Variants in CHPT1 observed in about 807,000 individuals in gnomAD.
CHPT1 encodes the protein cholinephosphotransferase 1.
Under a neutral mutation model 47.6 loss-of-function variants are expected in CHPT1, and 36 were observed. The observed-to-expected ratio is 0.76, with a 90% CI of 0.58 to 1.00. The LOEUF (loss-of-function observed/expected upper bound fraction) is 1.00, where lower values mean the gene tolerates loss of function less well. Ranked by LOEUF, CHPT1 falls within the 50% of genes least tolerant of loss-of-function variation. The pLI, the probability that CHPT1 is intolerant of heterozygous loss-of-function variation, is 0.00. For missense variants in CHPT1, 458 were observed against 498.1 expected (o/e 0.92, Z 0.77); for synonymous variants, 194 against 186.3 (o/e 1.04, Z -0.33).
chr12:101,708,574 T>C (rs981978667), intron 1 of CHPT1, among the ~76,000 whole-genome samples: 2 of 152,154 alleles, frequency 1.3e-5, no homozygotes, highest in African/African-American at 2.4e-5. Flanking sequence ...ACAGTAGATA[T>C]TATGAAAACT....
Position 101,723,279 on chromosome 12 carries a change from A to G in CHPT1, c.892A>G (p.Ile298Val), listed in dbSNP as rs1453088626. The G allele has an allele frequency of 2.5e-6, 4 of 1,612,000 alleles. No individual in the cohort carries two copies. The highest frequency in any genetic ancestry group is 2.5e-6 in the Non-Finnish European group (3 of 1,178,642). Residue 298 changes from isoleucine to valine, a missense_variant, in exon 6 of 9, where the codon ATC becomes GTC. Transcript: ENST00000229266. ...GTTTGAAAAGCATCCTTGTCTTTAT[A>G]TCCTAATGTTTGGATGTGTCTTTGC... ...DVFEKHPCLY[I>V]LMFGCVFAKV...
At chr12:101,713,544 G>C (rs185275795) in intron 1 of CHPT1, among the ~76,000 whole-genome samples, 1 of 152,308 alleles carries the variant, frequency 6.6e-6, no homozygotes, top group East Asian at 1.9e-4. Flanking sequence ...AGCTGGAGCA[G>C]TCGCAGGGCT....
At chr12:101,698,773 A>G (rs1951504336) in intron 1 of CHPT1, among the ~76,000 whole-genome samples, 1 of 152,212 alleles carries the variant, frequency 6.6e-6, no homozygotes, top group African/African-American at 2.4e-5. Context: ...TTTATTAGCA[A>G]TAATTACATT....
In CHPT1 at chr12:101,720,965, C is replaced by T. The variant is rs17031927; in HGVS notation, c.780+711C>T. Among the ~76,000 whole-genome samples the T allele has an allele frequency of 0.022, 3,322 of 152,258 alleles. 331 individuals are homozygous for T. The East Asian group carries it at 0.31, about 14-fold the overall frequency. On this transcript the variant is annotated intron_variant, in intron 5 of 8. Transcript: ENST00000229266. ...CAAGTACTTATTCCAGTGATACCATCTTATACCAAACCATTGTTATAATGC... is the reference window on the plus strand; with the variant it reads ...CAAGTACTTATTCCAGTGATACCATTTTATACCAAACCATTGTTATAATGC...
intron 4 of CHPT1, chr12:101,717,280 T>C (rs1390230361): frequency 2.2e-6 from 1 of 455,252 alleles, no homozygotes; most frequent in Non-Finnish European, 4.4e-6. Flanking sequence ...TTCTGCCTGC[T>C]TGGTGACCTC....
At chr12:101,710,462 A>G (rs1440376143) in intron 1 of CHPT1, among the ~76,000 whole-genome samples, 1 of 148,682 alleles carries the variant, frequency 6.7e-6, no homozygotes, top group African/African-American at 2.4e-5. Context: ...CTAGTCACTG[A>G]CTCCAGTAAA....
At chr12:101,707,750 G>T (rs902043476) in intron 1 of CHPT1, among the ~76,000 whole-genome samples, 2 of 152,180 alleles carry the variant, frequency 1.3e-5, no homozygotes, top group Admixed American at 1.3e-4. Flanking sequence ...AGGTGGCTTT[G>T]ATTAGGGAGA....
chr12:101,720,522 A>G (rs1951832749), intron 5 of CHPT1, among the ~76,000 whole-genome samples: 1 of 152,130 alleles, frequency 6.6e-6, no homozygotes, highest in Admixed American at 6.6e-5. Flanking sequence ...GTTTTCCTGC[A>G]TTTTGTGCCT....
At chr12:101,715,728 G>A (rs1007750298) in intron 3 of CHPT1, among the ~76,000 whole-genome samples, 2 of 152,078 alleles carry the variant, frequency 1.3e-5, no homozygotes, top group African/African-American at 4.8e-5. Context: ...AGATAAAATT[G>A]TTCATAGACT....
intron 7 of CHPT1, among the ~76,000 whole-genome samples, 179 bp downstream of exon 7, chr12:101,724,026 G>T (rs1951902657): frequency 6.6e-6 from 1 of 151,962 alleles, no homozygotes; most frequent in African/African-American, 2.4e-5. Flanking sequence ...AGACCAACCT[G>T]GCCAACATGG....
At chr12:101,704,447 G>C (rs1181234528) in intron 1 of CHPT1, among the ~76,000 whole-genome samples, 3 of 150,220 alleles carry the variant, frequency 2.0e-5, no homozygotes, top group African/African-American at 7.4e-5. Context: ...TGTTGCCCAG[G>C]CTGGAGTGCA....
rs573195692 is a variant in CHPT1 at position 101,699,307 on chromosome 12, A to G, written c.273+1173A>G. ...TTCACCATGTTGGCCAGGCTCATGC[A>G]TCCTTTAAAAACAAAAATTTGATCG... is the stretch of plus-strand genomic sequence containing the variant. On this transcript the variant is annotated intron_variant, in intron 1 of 8. Transcript: ENST00000229266. Among the ~76,000 whole-genome samples, 90 of 151,748 alleles carry G rather than the reference A, an allele frequency of 5.9e-4. 1 individual carries two copies. The South Asian group carries it at 0.017, about 28-fold the overall frequency.
intron 8 of CHPT1, 85 bp downstream of exon 8, chr12:101,726,489 G>A (rs1951947440): frequency 1.3e-6 from 2 of 1,551,622 alleles, no homozygotes; most frequent in Non-Finnish European, 1.7e-6. Flanking sequence ...AAATCCCCCT[G>A]TGCAGGAGGC....
intron 1 of CHPT1, among the ~76,000 whole-genome samples, chr12:101,705,067 G>A (rs1189970134): frequency 9.3e-6 from 1 of 107,662 alleles, no homozygotes; most frequent in Non-Finnish European, 1.7e-5. Flanking sequence ...CCTGGGGCAT[G>A]TATTCTTCCC....
At chr12:101,717,114 C>A (rs1951775564) in intron 4 of CHPT1, 2 of 386,756 alleles carry the variant, frequency 5.2e-6, no homozygotes, top group South Asian at 4.5e-5. Flanking sequence ...ATTGGAATAA[C>A]TTTTTCCAGG....
chr12:101,714,442 A>G, intron 2 of CHPT1, 62 bp from the exon 3 acceptor site: 1 of 1,402,296 alleles, frequency 7.1e-7, no homozygotes, highest in Non-Finnish European at 9.7e-7. Context: ...TAAACAGCAT[A>G]GGGCAATTAT....
intron 1 of CHPT1, among the ~76,000 whole-genome samples, chr12:101,703,815 G>A (rs1025651506): frequency 1.3e-5 from 2 of 151,998 alleles, no homozygotes; most frequent in Non-Finnish European, 2.9e-5. Flanking sequence ...TACTTCTTAT[G>A]TCTTCCAGAG....
intron 1 of CHPT1, among the ~76,000 whole-genome samples, chr12:101,700,221 G>A (rs557041751): frequency 6.6e-6 from 1 of 151,796 alleles, no homozygotes; most frequent in South Asian, 2.1e-4. Flanking sequence ...GAAAGAGCAG[G>A]GCTTACCAAA....
At chr12:101,723,937 C>A in intron 7 of CHPT1, 90 bp downstream of exon 7, 1 of 995,418 alleles carries the variant, frequency 1.0e-6, no homozygotes, top group Non-Finnish European at 1.5e-6. Context: ...CTAGTCTAGG[C>A]CAGGCGTGGT....
Sources: gnomAD v4.1 joint callset for allele counts (sites outside exome capture counted in the v4.1 genomes callset) on GRCh38, gnomAD v4.1.1 for gene constraint, MANE v1.5 for transcripts, NCBI Gene and HGNC (gene_info 2026-07-23, HGNC 2026-07-21) for gene names.